The following ZSCAN20 variants were observed in gnomAD, a reference collection of about 807,000 sequenced individuals.
ZSCAN20 encodes the protein zinc finger and SCAN domain containing 20.
A neutral mutation model predicts 97.1 loss-of-function variants in ZSCAN20; 39 were observed. The ratio of observed to expected loss-of-function variants is 0.40; its 90% CI spans 0.31 to 0.52. The LOEUF (loss-of-function observed/expected upper bound fraction) is 0.52. ZSCAN20 is among the 20% of genes least tolerant of loss of function. The pLI is 0.49. For synonymous variants in ZSCAN20, 456 were observed against 467.3 expected (o/e 0.98, Z 0.31); for missense variants, 1,115 against 1,290.4 (o/e 0.86, Z 2.08).
chr1:33,477,541 A>G (rs1301783611), intron 1 of ZSCAN20, among the ~76,000 whole-genome samples: 1 of 151,800 alleles, frequency 6.6e-6, no homozygotes, highest in Non-Finnish European at 1.5e-5. Context: ...ATAGATACGC[A>G]CATCCTTCTC....
rs1652791993 is a variant in ZSCAN20 at position 33,494,861 on chromosome 1, T to G, written c.2517T>G (p.Ala839=). The G allele has an allele frequency of 1.2e-6, 2 of 1,614,080 alleles. No homozygotes were observed. The highest frequency in any genetic ancestry group is 1.1e-5 in the South Asian group (1 of 91,092). The part of the protein sequence containing the change: ...GNFAQSPSFS[A]HWRNSTEETA... ...TTGCCCAAAGCCCATCTTTTAGTGCTCACTGGAGGAATTCTACAGAAGAGA... is the reference window on the plus strand; with the variant it reads ...TTGCCCAAAGCCCATCTTTTAGTGCGCACTGGAGGAATTCTACAGAAGAGA... Residue 839 remains alanine, a synonymous_variant, in exon 8 of 8, where the codon GCT becomes GCG. Coordinates refer to ENST00000684572, the MANE Select transcript of ZSCAN20 (RefSeq NM_001377376.1).
rs1652946361 is a variant in ZSCAN20 at position 33,498,321 on chromosome 1, G to C, written c.*2845G>C. On this transcript the variant is annotated 3_prime_UTR_variant, in exon 8 of 8. Transcript: ENST00000684572. ...TCTCATATCTTTAGTGAACAGTTTT[G>C]ATGTTTATTATCTGCCATTCTTGTC... 6.6e-6 allele frequency among the ~76,000 whole-genome samples: 1 copy of C among 152,186 alleles called. No individual in the cohort carries two copies. Among genetic ancestry groups the C allele is most frequent in the Non-Finnish European group, 1.5e-5 (1 of 68,032 alleles).
rs1053724726 is a variant in ZSCAN20 at position 33,493,171 on chromosome 1, T to C, written c.1445-16T>C. The C allele has an allele frequency of 6.2e-7, 1 of 1,609,622 alleles. No homozygotes were observed. Among genetic ancestry groups the C allele is most frequent in the African/African-American group, 1.3e-5 (1 of 74,842 alleles). Reference sequence around the variant, plus strand: ...CTCATTAAGTCTCACAGTTCTCAACTCTTCACTCCTGACAGCAGGTGTGCA... The same window carrying C: ...CTCATTAAGTCTCACAGTTCTCAACCCTTCACTCCTGACAGCAGGTGTGCA... On this transcript the variant is annotated splice_polypyrimidine_tract_variant and intron_variant, in intron 6 of 7. Transcript: ENST00000684572. The surrounding 1 kb of genome is among the most constrained non-coding windows in gnomAD (Gnocchi z 4.3).
Position 33,491,196 on chromosome 1 carries a change from A to G in ZSCAN20, c.938A>G (p.Gln313Arg). Residue 313 changes from glutamine to arginine, a missense_variant, in exon 6 of 8, where the codon CAG (glutamine) becomes CGG (arginine). Gln to Arg is a conservative substitution (Grantham distance 43, BLOSUM62 1). Transcript: ENST00000684572. This position sits in a 1 kb window ranked among gnomAD's most constrained non-coding sequence, Gnocchi z 4.3. The part of the protein sequence containing the change: ...RDSRAWEEQY[Q>R]WDVEDMKVSG... ...TCAAGAGCCTGGGAGGAACAATACC[A>G]GTGGGATGTGGAGGACATGAAGGTG... The G allele has an allele frequency of 6.2e-7, 1 of 1,614,188 alleles. No homozygotes were observed. The highest frequency in any genetic ancestry group is 1.1e-5 in the South Asian group (1 of 91,076).
intron 2 of ZSCAN20, among the ~76,000 whole-genome samples, chr1:33,485,789 A>AT (rs1370437022): frequency 6.6e-6 from 1 of 151,708 alleles, no homozygotes; most frequent in African/African-American, 2.4e-5. Flanking sequence ...GGTTTTGTTG[A>AT]TTTTCTCTAT....
intron 2 of ZSCAN20, among the ~76,000 whole-genome samples, chr1:33,480,340 C>T (rs1030997868): frequency 6.6e-6 from 1 of 152,132 alleles, no homozygotes; most frequent in East Asian, 1.9e-4. Flanking sequence ...GAAACCCTGT[C>T]TCTACAAAAA....
At chr1:33,485,556 C>T (rs1201328872) in intron 2 of ZSCAN20, among the ~76,000 whole-genome samples, 1 of 150,706 alleles carries the variant, frequency 6.6e-6, no homozygotes, top group African/African-American at 2.5e-5. Context: ...TACAGGACCA[C>T]ACCACCATGC....
At chr1:33,487,305 T>C (rs1652407530) in intron 2 of ZSCAN20, among the ~76,000 whole-genome samples, 1 of 152,158 alleles carries the variant, frequency 6.6e-6, no homozygotes, top group Non-Finnish European at 1.5e-5. Context: ...AAAAGTTAGG[T>C]GTTTCTATAA....
chr1:33,490,682 CA>C (rs752004997), intron 5 of ZSCAN20, among the ~76,000 whole-genome samples: 2 of 107,412 alleles, frequency 1.9e-5, no homozygotes, highest in Non-Finnish European at 4.3e-5. Context: ...CACACACACA[CA>C]CCACACACCC....
chr1:33,497,612 C>T lies in ZSCAN20; in HGVS notation c.*2136C>T, dbSNP rs1453873191. On this transcript the variant is annotated 3_prime_UTR_variant, in exon 8 of 8. Transcript: ENST00000684572. ...GATGTGCATGGTTGAAATCTGACAG[C>T]TGAATGGAACTTGGACATGCTGCAA... 1.3e-5 allele frequency among the ~76,000 whole-genome samples: 2 copies of T among 152,008 alleles called. No homozygotes were observed. The highest frequency in any genetic ancestry group is 3.2e-3 in the Middle Eastern group (1 of 316).
intron 1 of ZSCAN20, among the ~76,000 whole-genome samples, chr1:33,474,597 G>T (rs1312522072): frequency 6.6e-6 from 1 of 152,192 alleles, no homozygotes; most frequent in African/African-American, 2.4e-5. Context: ...CTGGATATTG[G>T]AAGAGAGCTT....
chr1:33,487,929 G>A (rs1245151914), intron 2 of ZSCAN20, among the ~76,000 whole-genome samples: 1 of 152,056 alleles, frequency 6.6e-6, no homozygotes, highest in African/African-American at 2.4e-5. Flanking sequence ...TAGAATTACA[G>A]GCATGAGCCA....
Position 33,496,870 on chromosome 1 carries a change from C to T in ZSCAN20, c.*1394C>T, listed in dbSNP as rs1053598804. 6.6e-6 allele frequency among the ~76,000 whole-genome samples: 1 copy of T among 152,198 alleles called. No individual in the cohort carries two copies. The highest frequency in any genetic ancestry group is 1.9e-4 in the East Asian group (1 of 5,192). On this transcript the variant is annotated 3_prime_UTR_variant, in exon 8 of 8. Transcript: ENST00000684572. The stretch of plus-strand genomic sequence containing the variant: ...TCTGTATGTTGACCCTTAAGACTCA[C>T]CTCCCACATGGACAGGCTAAGTTAG...
At position 33,493,014 on chromosome 1, in the gene ZSCAN20, C is replaced by T. The variant is rs1254857350; in HGVS notation, c.1445-173C>T. Among the ~76,000 whole-genome samples the T allele has an allele frequency of 6.6e-6, 1 of 152,148 alleles. No homozygotes were observed. The highest frequency in any genetic ancestry group is 1.5e-5 in the Non-Finnish European group (1 of 68,026). On this transcript the variant is annotated intron_variant, in intron 6 of 7. Transcript: ENST00000684572. This position sits in a 1 kb window ranked among gnomAD's most constrained non-coding sequence, Gnocchi z 4.3. ...TAGAAGAGGGTGAGGGTGGGAAGCT[C>T]TGGCTGGCTGTCCTAGCATGCCCCT...
Position 33,494,324 on chromosome 1 carries a change from T to A in ZSCAN20, c.1980T>A (p.Pro660=). 6.2e-7 allele frequency: 1 copy of A among 1,614,114 alleles called. No homozygotes were observed. The highest frequency in any genetic ancestry group is 8.5e-7 in the Non-Finnish European group (1 of 1,180,028). ...SKCPTEAVCQ[P]LDWGEDSENE... Reference sequence around the variant, plus strand: ...GTCCTACAGAAGCTGTTTGCCAACCTCTTGACTGGGGAGAAGACAGTGAAA... The same window carrying A: ...GTCCTACAGAAGCTGTTTGCCAACCACTTGACTGGGGAGAAGACAGTGAAA... Residue 660 remains proline (P), a synonymous_variant, in exon 8 of 8, where the codon CCT becomes CCA. Coordinates refer to ENST00000684572, the MANE Select transcript of ZSCAN20 (RefSeq NM_001377376.1).
At chr1:33,480,512 T>A (rs1185101535) in intron 2 of ZSCAN20, among the ~76,000 whole-genome samples, 1 of 152,212 alleles carries the variant, frequency 6.6e-6, no homozygotes, top group Non-Finnish European at 1.5e-5. Context: ...CTTTGAGCCA[T>A]GAGGCTCAAA....
chr1:33,487,427 A>G (rs1652412228), intron 2 of ZSCAN20, among the ~76,000 whole-genome samples: 1 of 152,094 alleles, frequency 6.6e-6, no homozygotes, highest in Non-Finnish European at 1.5e-5. Context: ...TAGCTGTGTG[A>G]TTGATGAAGT....
At chr1:33,482,105 A>G (rs1423522370) in intron 2 of ZSCAN20, among the ~76,000 whole-genome samples, 2 of 152,182 alleles carry the variant, frequency 1.3e-5, no homozygotes, top group Non-Finnish European at 2.9e-5. Flanking sequence ...GTAATGTATG[A>G]CATTAAGAGC....
intron 2 of ZSCAN20, among the ~76,000 whole-genome samples, chr1:33,484,989 T>C (rs917707959): frequency 1.3e-5 from 2 of 152,156 alleles, no homozygotes; most frequent in African/African-American, 4.8e-5. Context: ...ATTTCTTTGG[T>C]TTTGGTATTA....
Sources: gnomAD v4.1 joint callset for allele counts (sites outside exome capture counted in the v4.1 genomes callset) on GRCh38, gnomAD v4.1.1 for gene constraint, Gnocchi (gnomAD v3.1) non-coding constraint, MANE v1.5 for transcripts, NCBI Gene and HGNC (gene_info 2026-07-23, HGNC 2026-07-21) for gene names.